The following TMEM178B variants were observed in gnomAD, a reference collection of about 807,000 sequenced individuals.
The protein encoded by TMEM178B is transmembrane protein 178B.
A neutral mutation model predicts 31.0 loss-of-function variants in TMEM178B; 5 were observed. The ratio of observed to expected loss-of-function variants is 0.16; its 90% CI spans 0.08 to 0.34. TMEM178B has a LOEUF of 0.34. Among genes scored for constraint, TMEM178B ranks in the 10% least tolerant of loss-of-function variants. TMEM178B has a pLI of 1.00. For missense variants in TMEM178B, 275 were observed against 400.3 expected (o/e 0.69, Z 2.67); for synonymous variants, 164 against 164.0 (o/e 1.00, Z 0.00).
chr7:141,453,724 C>T (rs746149086), intron 3 of TMEM178B, among the ~76,000 whole-genome samples: 11 of 152,188 alleles, frequency 7.2e-5, no homozygotes, highest in African/African-American at 1.2e-4. Context: ...CATTGCCCCT[C>T]GAAGGGCTTT....
At chr7:141,144,996 T>C (rs1248115407) in intron 1 of TMEM178B, among the ~76,000 whole-genome samples, 1 of 152,196 alleles carries the variant, frequency 6.6e-6, no homozygotes, top group Non-Finnish European at 1.5e-5. Flanking sequence ...TTGGAGTCTT[T>C]AGTTGCTATC....
At chr7:141,498,943 A>G in the TMEM178B span, among the ~76,000 whole-genome samples, 1 of 152,272 alleles carries the variant, frequency 6.6e-6, no homozygotes, top group African/African-American at 2.4e-5. Flanking sequence ...GTGGAAAGTC[A>G]GCCTAATATG....
intron 2 of TMEM178B, among the ~76,000 whole-genome samples, chr7:141,236,123 A>C (rs181228572): frequency 6.6e-6 from 1 of 152,156 alleles, no homozygotes; most frequent in East Asian, 1.9e-4. Flanking sequence ...CCTAGTCCAC[A>C]CCCCAGCCCC....
intron 2 of TMEM178B, among the ~76,000 whole-genome samples, chr7:141,285,184 G>A (rs1334182378): frequency 9.2e-5 from 10 of 108,794 alleles, no homozygotes; most frequent in Admixed American, 1.4e-4. Flanking sequence ...TTTTTGAGAC[G>A]TAGTCTCGCT....
At chr7:141,449,403 C>A (rs1237110612) in intron 3 of TMEM178B, among the ~76,000 whole-genome samples, 1 of 152,090 alleles carries the variant, frequency 6.6e-6, no homozygotes, top group African/African-American at 2.4e-5. Context: ...GGGTTAAAGA[C>A]TGGTAAGAAG....
At chr7:141,267,262 A>G (rs6464440) in intron 2 of TMEM178B, among the ~76,000 whole-genome samples, 65,797 of 152,034 alleles carry the variant, frequency 0.43, 14,481 homozygotes, top group East Asian at 0.68. Context: ...TTTCCTGTCT[A>G]TCCTGACAAG....
At chr7:141,261,172 C>G (rs1419773599) in intron 2 of TMEM178B, among the ~76,000 whole-genome samples, 1 of 152,138 alleles carries the variant, frequency 6.6e-6, no homozygotes, top group African/African-American at 2.4e-5. Flanking sequence ...TTCTGCATAA[C>G]CATTTTGTTT....
At chr7:141,501,873 T>A in the TMEM178B span, among the ~76,000 whole-genome samples, 2 of 152,114 alleles carry the variant, frequency 1.3e-5, no homozygotes, top group East Asian at 1.9e-4. Flanking sequence ...TCTCTCTCTG[T>A]CCCCAGATAA....
At chr7:141,319,157 A>T (rs899370300) in intron 2 of TMEM178B, among the ~76,000 whole-genome samples, 1 of 152,216 alleles carries the variant, frequency 6.6e-6, no homozygotes, top group African/African-American at 2.4e-5. Flanking sequence ...TCACTCTAGA[A>T]ATAAATTGGC....
intron 2 of TMEM178B, among the ~76,000 whole-genome samples, chr7:141,435,857 C>A (rs1412784385): frequency 1.3e-5 from 2 of 152,208 alleles, no homozygotes; most frequent in African/African-American, 2.4e-5. Flanking sequence ...CCAGGGCAGA[C>A]AAGGGCGGCC....
intron 2 of TMEM178B, among the ~76,000 whole-genome samples, chr7:141,336,940 C>G: frequency 7.6e-6 from 1 of 131,182 alleles, no homozygotes; most frequent in Non-Finnish European, 1.6e-5. Flanking sequence ...CCATCACCAC[C>G]ACCATCACCA....
intron 2 of TMEM178B, among the ~76,000 whole-genome samples, chr7:141,373,853 G>A (rs1165778660): frequency 6.6e-6 from 1 of 152,146 alleles, no homozygotes; most frequent in African/African-American, 2.4e-5. Context: ...TTAAACCTCT[G>A]CTCAGGAGTC....
chr7:141,376,499 A>T (rs1238266897), intron 2 of TMEM178B, among the ~76,000 whole-genome samples: 1 of 152,236 alleles, frequency 6.6e-6, no homozygotes, highest in Non-Finnish European at 1.5e-5. Context: ...TATGTCTTTG[A>T]TCTAATTAAA....
At chr7:141,184,336 C>T (rs963725861) in intron 1 of TMEM178B, among the ~76,000 whole-genome samples, 3 of 152,132 alleles carry the variant, frequency 2.0e-5, no homozygotes, top group African/African-American at 4.8e-5. Context: ...CCTTCCTCCC[C>T]CACTGTTACT....
At chr7:141,155,515 A>T (rs1359747521) in intron 1 of TMEM178B, among the ~76,000 whole-genome samples, 1 of 152,152 alleles carries the variant, frequency 6.6e-6, no homozygotes, top group Non-Finnish European at 1.5e-5. Context: ...TTTGGTTCTG[A>T]GCTGTTGGCA....
At chr7:141,449,395 G>T (rs1183934830) in intron 3 of TMEM178B, among the ~76,000 whole-genome samples, 4 of 152,088 alleles carry the variant, frequency 2.6e-5, no homozygotes, top group African/African-American at 9.7e-5. Context: ...GAGTAGAGGG[G>T]TTAAAGACTG....
downstream of TMEM178B, among the ~76,000 whole-genome samples, chr7:141,482,116 A>T (rs546106291): frequency 1.5e-4 from 23 of 152,320 alleles, no homozygotes; most frequent in Admixed American, 1.4e-3. Flanking sequence ...CAGCCCACAG[A>T]GTTTAGCAGA....
chr7:141,370,329 G>A (rs1800093030), intron 2 of TMEM178B, among the ~76,000 whole-genome samples: 2 of 152,164 alleles, frequency 1.3e-5, no homozygotes, highest in South Asian at 2.1e-4. Flanking sequence ...GGCAGCTGAG[G>A]AACACCTTGG....
rs541306883 is a variant in TMEM178B at position 141,363,075 on chromosome 7, C to T, written c.497-74533C>T. 1.1e-3 allele frequency among the ~76,000 whole-genome samples: 166 copies of T among 151,992 alleles called. 1 individual carries two copies. Among genetic ancestry groups the T allele is most frequent in the Non-Finnish European group, 2.2e-3 (149 of 68,010 alleles). On this transcript the variant is annotated intron_variant, in intron 2 of 3. Transcript: ENST00000565468. ...AGTGGATTCTGGAAAATTGGCAAGG[C>T]GGAAAATTTAAAGGAGACAAAAATC...
Sources: gnomAD v4.1 joint callset for allele counts (sites outside exome capture counted in the v4.1 genomes callset) on GRCh38, gnomAD v4.1.1 for gene constraint, MANE v1.5 for transcripts, NCBI Gene and HGNC (gene_info 2026-07-23, HGNC 2026-07-21) for gene names.